The following CCND3 variants were observed in gnomAD, a reference collection of about 807,000 sequenced individuals.
CCND3 encodes the protein G1/S-specific cyclin-D3.
In CCND3, 9 loss-of-function variants were observed where a neutral mutation model predicts 28.7. The ratio of observed to expected loss-of-function variants is 0.31; its 90% confidence interval spans 0.19 to 0.55. The LOEUF (loss-of-function observed/expected upper bound fraction) is 0.55, where lower values mean the gene tolerates loss of function less well. Among genes scored for constraint, CCND3 ranks in the 20% least tolerant of loss-of-function variants. CCND3 has a pLI of 0.93. For synonymous variants in CCND3, 164 were observed against 163.9 expected (o/e 1.00, Z 0.00); for missense variants, 315 against 385.8 (o/e 0.82, Z 1.54).
At chr6:42,016,458 A>C (rs1338986920) in intron 1 of CCND3, among the ~76,000 whole-genome samples, 1 of 152,174 alleles carries the variant, frequency 6.6e-6, no homozygotes, top group Admixed American at 6.6e-5. Context: ...CCTCCTCTAC[A>C]ACATGGGATA....
intron 1 of CCND3, among the ~76,000 whole-genome samples, chr6:41,969,613 G>A (rs997581077): frequency 6.6e-6 from 1 of 152,174 alleles, no homozygotes; most frequent in African/African-American, 2.4e-5. Flanking sequence ...GCACGCACCT[G>A]TAGTCCCAGT....
At chr6:41,995,509 G>A (rs1762775481) in intron 1 of CCND3, among the ~76,000 whole-genome samples, 1 of 152,066 alleles carries the variant, frequency 6.6e-6, no homozygotes, top group Admixed American at 6.6e-5. Flanking sequence ...GCCCGCCTTG[G>A]CCTCCCAAAG....
At chr6:42,009,151 A>G (rs576597975) in intron 1 of CCND3, among the ~76,000 whole-genome samples, 24 of 152,154 alleles carry the variant, frequency 1.6e-4, no homozygotes, top group Non-Finnish European at 3.1e-4. Context: ...TCTTCCCTCA[A>G]CTGTGCCTAG....
intron 1 of CCND3, among the ~76,000 whole-genome samples, chr6:41,992,416 G>A (rs542245663): frequency 2.0e-4 from 29 of 145,004 alleles, no homozygotes; most frequent in African/African-American, 6.9e-4. Context: ...TCCTGCCTCA[G>A]CCCCCAAAGT....
chr6:42,024,888 G>A (rs553241177), intron 1 of CCND3, among the ~76,000 whole-genome samples: 36 of 152,156 alleles, frequency 2.4e-4, no homozygotes, highest in African/African-American at 8.2e-4. Flanking sequence ...GAGAAACCCC[G>A]TCTCTCCTAA....
intron 1 of CCND3, among the ~76,000 whole-genome samples, chr6:41,997,271 C>T (rs1368158241): frequency 6.6e-6 from 1 of 152,206 alleles, no homozygotes; most frequent in Non-Finnish European, 1.5e-5. Context: ...AAGCAGCAAC[C>T]TTTGCACTGT....
At chr6:41,940,894 ACC>A in intron 1 of CCND3, 1 of 1,488,230 alleles carries the variant, frequency 6.7e-7, no homozygotes, top group African/African-American at 1.4e-5. Flanking sequence ...CGCAAGGGTC[ACC>A]CATGGTAGCC....
At chr6:42,035,058 G>T (rs1244719010) in intron 1 of CCND3, among the ~76,000 whole-genome samples, 1 of 152,114 alleles carries the variant, frequency 6.6e-6, no homozygotes, top group African/African-American at 2.4e-5. Flanking sequence ...TTTAAAACTT[G>T]TTAATGCAAC....
At position 41,936,112 on chromosome 6, in the gene CCND3, G is replaced by T; in HGVS notation, c.712-5C>A. On this transcript the variant is annotated splice_region_variant and splice_polypyrimidine_tract_variant and intron_variant, in intron 4 of 4. Transcript: ENST00000372991. The surrounding 1 kb of genome is among the most constrained non-coding windows in gnomAD (Gnocchi z 4.4). ...CTGACAGGCCCGCAGGCAGTCCTGG[G>T]AACATGGGAGAAGAGTGAGGAGCAA... The T allele has an allele frequency of 6.4e-7, 1 of 1,573,738 alleles. No individual in the cohort carries two copies. The highest frequency in any genetic ancestry group is 8.6e-7 in the Non-Finnish European group (1 of 1,159,332).
At position 42,048,393 on chromosome 6, in the gene CCND3, T is replaced by C. The variant is rs2127443814; in HGVS notation, c.-46+108A>G. ...GCTTTCGGTGCCAACTAGGAAGTGATGAGGATGCGGCGACCCCATTGACCC... is the reference window on the plus strand; with the variant it reads ...GCTTTCGGTGCCAACTAGGAAGTGACGAGGATGCGGCGACCCCATTGACCC... On this transcript the variant is annotated intron_variant, in intron 1 of 4. Transcript: ENST00000372988. This position sits in a 1 kb window ranked among gnomAD's most constrained non-coding sequence, Gnocchi z 4.7. 1 of 347,160 alleles carries C rather than the reference T, an allele frequency of 2.9e-6. No individual in the cohort carries two copies. Among genetic ancestry groups the C allele is most frequent in the Non-Finnish European group, 5.7e-6 (1 of 174,252 alleles). The allele number at this position is 347,160 out of a possible 1,614,324, so 21.5% of individuals were successfully genotyped here.
intron 1 of CCND3, among the ~76,000 whole-genome samples, chr6:41,963,584 C>G (rs767322727): frequency 6.6e-6 from 1 of 152,220 alleles, no homozygotes; most frequent in Non-Finnish European, 1.5e-5. Flanking sequence ...ATCAGCCATG[C>G]TGTCCTTGAC....
At chr6:41,976,252 T>C (rs546495629) in intron 1 of CCND3, among the ~76,000 whole-genome samples, 5 of 152,002 alleles carry the variant, frequency 3.3e-5, no homozygotes, top group African/African-American at 1.2e-4. Flanking sequence ...CTCAGGAGGC[T>C]GAGGCAGAAG....
At chr6:41,940,798 A>G in intron 1 of CCND3, 2 of 896,850 alleles carry the variant, frequency 2.2e-6, no homozygotes, top group Non-Finnish European at 3.7e-6. Context: ...TCTCCCCTTG[A>G]CGGGGGAGTG....
intron 1 of CCND3, among the ~76,000 whole-genome samples, chr6:42,045,054 T>C (rs1261680500): frequency 2.0e-5 from 3 of 151,370 alleles, no homozygotes; most frequent in African/African-American, 7.3e-5. Context: ...TCCGCCCACC[T>C]TGGCCTCCCA....
At chr6:41,967,189 G>A (rs183267323) in intron 1 of CCND3, among the ~76,000 whole-genome samples, 297 of 152,256 alleles carry the variant, frequency 2.0e-3, no homozygotes, top group African/African-American at 6.8e-3. Context: ...CATGGAGAAC[G>A]GCATTTTGAA....
At chr6:42,043,170 G>T (rs561870077) in intron 1 of CCND3, among the ~76,000 whole-genome samples, 3 of 152,240 alleles carry the variant, frequency 2.0e-5, no homozygotes, top group Non-Finnish European at 2.9e-5. Flanking sequence ...GAGGCAGGAG[G>T]ACTGCTTGGG....
chr6:41,991,238 T>C (rs150754248), intron 1 of CCND3, among the ~76,000 whole-genome samples: 4,228 of 152,100 alleles, frequency 0.028, 186 homozygotes, highest in African/African-American at 0.094. Flanking sequence ...TTTGTATTTT[T>C]AGTAGAGACA....
At chr6:42,041,280 C>T (rs749891512) in intron 1 of CCND3, among the ~76,000 whole-genome samples, 1 of 152,118 alleles carries the variant, frequency 6.6e-6, no homozygotes, top group African/African-American at 2.4e-5. Flanking sequence ...GGGCCCAGGC[C>T]GGAAAAGGCT....
chr6:42,047,197 T>C (rs988914415), intron 1 of CCND3, among the ~76,000 whole-genome samples: 5 of 152,338 alleles, frequency 3.3e-5, no homozygotes, highest in South Asian at 2.1e-4. Flanking sequence ...ATAACTGGCA[T>C]AGACTAGAAC....
Sources: gnomAD v4.1 joint callset for allele counts (sites outside exome capture counted in the v4.1 genomes callset) on GRCh38, gnomAD v4.1.1 for gene constraint, Gnocchi (gnomAD v3.1) non-coding constraint, MANE v1.5 for transcripts, NCBI Gene and HGNC (gene_info 2026-07-23, HGNC 2026-07-21) for gene names.